Variants in PRDX3 observed in about 807,000 individuals in gnomAD.
PRDX3 encodes the protein peroxiredoxin 3.
Under a neutral mutation model 30.4 loss-of-function variants are expected in PRDX3, and 20 were observed. That is an observed-to-expected ratio of 0.66 (90% CI 0.46 to 0.96). The LOEUF is 0.96. Among genes scored for constraint, PRDX3 ranks in the 40% least tolerant of loss-of-function variants. The pLI is 0.00. For missense variants in PRDX3, 322 were observed against 318.3 expected, an observed-to-expected ratio of 1.01 and a Z score of -0.09; for synonymous variants, 124 against 117.8, an observed-to-expected ratio of 1.05 and a Z score of -0.34.
chr10:119,171,068 T>A (rs1847895849), intron 5 of PRDX3: 1 of 151,744 alleles, frequency 6.6e-6, no homozygotes, highest in Non-Finnish European at 1.4e-5. Context: ...TGAGACAGAG[T>A]CTTGCTCTGT....
intron 5 of PRDX3, 142 bp downstream of exon 5, chr10:119,172,240 G>A (rs776980881): frequency 2.2e-5 from 15 of 693,650 alleles, no homozygotes; most frequent in South Asian, 3.5e-5. Flanking sequence ...AAAGTGCTAC[G>A]ATTACAGGCA....
Position 119,168,449 on chromosome 10 carries a change from A to C in PRDX3, c.*31T>G, listed in dbSNP as rs776477716. On this transcript the variant is annotated 3_prime_UTR_variant, in exon 7 of 7. Coordinates refer to ENST00000298510, the MANE Select transcript of PRDX3 (RefSeq NM_006793.5). ...AGGTTTCAACTGTGGTTCTTCTCTC[A>C]GTTGAGAAGGTGCAGATACACATGG... 6.2e-7 allele frequency: 1 copy of C among 1,611,326 alleles called. No individual in the cohort carries two copies. The highest frequency in any genetic ancestry group is 1.1e-5 in the South Asian group (1 of 90,444).
chr10:119,172,013 A>G (rs896309816), intron 5 of PRDX3, among the ~76,000 whole-genome samples: 5 of 152,170 alleles, frequency 3.3e-5, no homozygotes, highest in Non-Finnish European at 1.5e-5. Context: ...TCAGAAAGAG[A>G]CCCAAGGTGG....
intron 5 of PRDX3, among the ~76,000 whole-genome samples, chr10:119,171,704 C>T (rs7916250): frequency 6.6e-6 from 1 of 152,184 alleles, no homozygotes; most frequent in East Asian, 1.9e-4. Flanking sequence ...CCACCTGTGA[C>T]GTACCACCTC....
intron 5 of PRDX3, chr10:119,171,064 A>C (rs886617572): frequency 6.5e-6 from 1 of 154,420 alleles, no homozygotes; most frequent in Non-Finnish European, 1.4e-5. Flanking sequence ...CTTTTGAGAC[A>C]GAGTCTTGCT....
chr10:119,174,891 G>A (rs35909494), intron 2 of PRDX3: 4 of 254,832 alleles, frequency 1.6e-5, no homozygotes, highest in East Asian at 1.5e-4. Context: ...TACCTAATAC[G>A]ACGTAAATGC....
At chr10:119,174,412 C>A in intron 3 of PRDX3, 39 bp downstream of exon 3, 1 of 1,568,636 alleles carries the variant, frequency 6.4e-7, no homozygotes, top group Non-Finnish European at 8.6e-7. Flanking sequence ...TGTGCTTGCT[C>A]TCAGAATGAC....
intron 2 of PRDX3, among the ~76,000 whole-genome samples, chr10:119,176,188 C>T (rs758483294): frequency 3.7e-4 from 56 of 152,088 alleles, no homozygotes; most frequent in Non-Finnish European, 6.2e-4. Flanking sequence ...CTTGCTTCTA[C>T]CCAGGAATGA....
intron 2 of PRDX3, among the ~76,000 whole-genome samples, chr10:119,176,348 T>C (rs1417641058): frequency 6.6e-6 from 1 of 152,126 alleles, no homozygotes; most frequent in African/African-American, 2.4e-5. Flanking sequence ...AGCTCCAGGG[T>C]AGTAAAATTG....
At chr10:119,173,586 G>T (rs1413054823) in intron 4 of PRDX3, 151 bp downstream of exon 4, 73 of 870,612 alleles carry the variant, frequency 8.4e-5, no homozygotes, top group Non-Finnish European at 4.1e-5. Context: ...TCCAGCCTGG[G>T]CAACAAGAGT....
At chr10:119,177,849 C>T (rs140240979) in intron 1 of PRDX3, among the ~76,000 whole-genome samples, 1 of 147,832 alleles carries the variant, frequency 6.8e-6, no homozygotes, top group East Asian at 2.0e-4. Flanking sequence ...CTCTGGGAGT[C>T]TGTTAAAGGC....
At chr10:119,169,583 A>C (rs1847857300) in intron 5 of PRDX3, 1 of 388,912 alleles carries the variant, frequency 2.6e-6, no homozygotes, top group African/African-American at 2.0e-5. Context: ...GGTCACACTT[A>C]CAAGTTCACA....
In PRDX3 at chr10:119,169,092, G is replaced by C; in HGVS notation, c.717+85C>G. The C allele has an allele frequency of 3.5e-6, 5 of 1,448,064 alleles. No individual in the cohort carries two copies. The Admixed American group carries it at 9.1e-5, about 26-fold the overall frequency. 89.7% of individuals were successfully genotyped at this position (1,448,064 alleles called of 1,614,324 possible). A position where few individuals can be genotyped will look rare whatever the true frequency, so the allele number is the denominator to read the frequency against. On this transcript the variant is annotated intron_variant, in intron 6 of 6. Coordinates refer to ENST00000298510, the MANE Select transcript of PRDX3 (RefSeq NM_006793.5). The stretch of plus-strand genomic sequence containing the variant: ...CATCTGCACGCTTGCTTCAAGAGTG[G>C]GCTCCCTTTTGTGGATATTTCAGGT...
In PRDX3 at chr10:119,178,618, T is replaced by G. The variant is rs908140800; in HGVS notation, c.36+137A>C. 7 of 1,116,612 alleles carry G rather than the reference T, an allele frequency of 6.3e-6. No individual in the cohort carries two copies. In the Admixed American group the frequency reaches 7.9e-5, roughly 13 times the overall value. The allele number at this position is 1,116,612 out of a possible 1,614,324, so 69.2% of individuals were successfully genotyped here. A position where few individuals can be genotyped will look rare whatever the true frequency, so the allele number is the denominator to read the frequency against. On this transcript the variant is annotated intron_variant, in intron 1 of 6. Coordinates refer to ENST00000298510, the MANE Select transcript of PRDX3 (RefSeq NM_006793.5). Reference sequence around the variant, plus strand: ...CATGGAACCTTCCCGGAGGGAGGCCTCTGGGTCCGTTACCCGCGGAAACCC... The same window carrying G: ...CATGGAACCTTCCCGGAGGGAGGCCGCTGGGTCCGTTACCCGCGGAAACCC...
intron 2 of PRDX3, among the ~76,000 whole-genome samples, chr10:119,175,792 T>TG (rs1848013409): frequency 1.4e-5 from 2 of 148,048 alleles, no homozygotes; most frequent in Admixed American, 1.4e-4. Context: ...GATTTTTTTT[T>TG]TTTTGAGACA....
intron 5 of PRDX3, 156 bp from the exon 6 acceptor site, chr10:119,169,498 C>G: frequency 3.3e-6 from 2 of 613,012 alleles, no homozygotes; most frequent in Admixed American, 6.2e-5. Context: ...GTGCAAAAAA[C>G]TTATCATCTC....
At chr10:119,178,233 A>G (rs1848087896) in intron 1 of PRDX3, among the ~76,000 whole-genome samples, 1 of 152,176 alleles carries the variant, frequency 6.6e-6, no homozygotes, top group African/African-American at 2.4e-5. Flanking sequence ...CCACCAGAGA[A>G]AGCCGTGTAC....
At position 119,177,143 on chromosome 10, in the gene PRDX3, T is replaced by C. The variant is rs752685544; in HGVS notation, c.47A>G (p.His16Arg). Residue 16 changes from histidine to arginine, a missense_variant, in exon 2 of 7, where the codon CAT becomes CGT. Coordinates refer to ENST00000298510, the MANE Select transcript of PRDX3 (RefSeq NM_006793.5). Reference sequence around the variant, plus strand: ...AATGCCCCAAGGAATGGCACTCACATGTCGGGCAACCTGGAAAGAGAAACT... The same window carrying C: ...AATGCCCCAAGGAATGGCACTCACACGTCGGGCAACCTGGAAAGAGAAACT... Reference protein sequence around the residue: ...GRLLRASVARHVSAIPWGISA... With the variant: ...GRLLRASVARRVSAIPWGISA... 19 of 1,613,064 alleles carry C rather than the reference T, an allele frequency of 1.2e-5. No homozygotes were observed. Among genetic ancestry groups the C allele is most frequent in the Non-Finnish European group, 1.6e-5 (19 of 1,179,856 alleles).
At chr10:119,178,227 C>G (rs1848087750) in intron 1 of PRDX3, among the ~76,000 whole-genome samples, 1 of 152,162 alleles carries the variant, frequency 6.6e-6, no homozygotes, top group South Asian at 2.1e-4. Flanking sequence ...TGAACCCCAC[C>G]AGAGAAAGCC....
Sources: gnomAD v4.1 joint callset for allele counts (sites outside exome capture counted in the v4.1 genomes callset) on GRCh38, gnomAD v4.1.1 for gene constraint, MANE v1.5 for transcripts, NCBI Gene and HGNC (gene_info 2026-07-23, HGNC 2026-07-21) for gene names.